COX16: variants seen among roughly 807,000 people sequenced by gnomAD.
The protein encoded by COX16 is cytochrome c oxidase assembly protein COX16 homolog, mitochondrial.
COX16 carries 12 observed loss-of-function variants against 15.4 expected under a neutral mutation model. The ratio of observed to expected loss-of-function variants is 0.78; its 90% CI spans 0.50 to 1.26. COX16 has a LOEUF of 1.26. Ranked by LOEUF, COX16 falls within the 50% of genes most tolerant of loss-of-function variation. COX16 has a pLI of 0.00. For synonymous variants in COX16, 46 were observed against 41.1 expected, an observed-to-expected ratio of 1.12 and a Z score of -0.46; for missense variants, 124 against 127.6, an observed-to-expected ratio of 0.97 and a Z score of 0.14.
chr14:70,358,038 C>G (rs572063210), intron 1 of COX16, among the ~76,000 whole-genome samples: 8 of 152,220 alleles, frequency 5.3e-5, no homozygotes, highest in African/African-American at 1.9e-4. Context: ...GGAATTATAT[C>G]CATCAAAAGG....
At chr14:70,329,301 TAA>T in intron 2 of COX16, 65 bp from the exon 3 acceptor site, 3 of 1,477,684 alleles carry the variant, frequency 2.0e-6, no homozygotes, top group Middle Eastern at 1.8e-4. Context: ...TTTTCAATTT[TAA>T]GTTATAGAAG....
intron 1 of COX16, among the ~76,000 whole-genome samples, chr14:70,354,738 T>C (rs565280491): frequency 6.6e-6 from 1 of 152,276 alleles, no homozygotes; most frequent in South Asian, 2.1e-4. Flanking sequence ...TGAGTAGTTC[T>C]ACTAAATTAT....
chr14:70,351,033 A>G (rs1055442840), intron 1 of COX16, among the ~76,000 whole-genome samples: 10 of 152,256 alleles, frequency 6.6e-5, no homozygotes, highest in African/African-American at 2.2e-4. Context: ...GAAGAAAATA[A>G]TATTTTCAAA....
intron 1 of COX16, among the ~76,000 whole-genome samples, chr14:70,350,943 A>G (rs1886935240): frequency 6.6e-6 from 1 of 152,240 alleles, no homozygotes; most frequent in Non-Finnish European, 1.5e-5. Flanking sequence ...GACTTCAAAT[A>G]TTTTTGCATC....
At chr14:70,329,267 T>C (rs200993510) in intron 2 of COX16, 31 bp from the exon 3 acceptor site, 4 of 1,580,328 alleles carry the variant, frequency 2.5e-6, no homozygotes, top group South Asian at 2.3e-5. Context: ...TAATAAGTTA[T>C]CTAAGTCTGT....
chr14:70,338,567 C>T (rs1886528900), intron 2 of COX16, among the ~76,000 whole-genome samples: 1 of 152,180 alleles, frequency 6.6e-6, no homozygotes, highest in African/African-American at 2.4e-5. Context: ...GTCAACAAAC[C>T]TGGTACCAGT....
At chr14:70,345,399 A>G (rs1029140134) in intron 1 of COX16, among the ~76,000 whole-genome samples, 8 of 152,162 alleles carry the variant, frequency 5.3e-5, no homozygotes, top group East Asian at 1.9e-4. Context: ...TCCTTTTATC[A>G]TCTCCCTCCA....
intron 1 of COX16, among the ~76,000 whole-genome samples, chr14:70,358,329 G>A (rs7155967): frequency 0.87 from 129,220 of 149,062 alleles, 56,094 homozygotes; most frequent in East Asian, 0.93. Context: ...ACTAATATAC[G>A]AATATATTAG....
At chr14:70,330,671 T>C (rs1886254679) in intron 2 of COX16, among the ~76,000 whole-genome samples, 1 of 152,182 alleles carries the variant, frequency 6.6e-6, no homozygotes, top group South Asian at 2.1e-4. Context: ...CACAATGTAA[T>C]TTGCAAACAA....
chr14:70,327,180 G>GAT (rs1291402333), intron 3 of COX16, among the ~76,000 whole-genome samples: 1 of 152,108 alleles, frequency 6.6e-6, no homozygotes, highest in Non-Finnish European at 1.5e-5. Flanking sequence ...GAAAACATAG[G>GAT]ATAGCTTATA....
intron 2 of COX16, 101 bp downstream of exon 2, chr14:70,342,557 C>A: frequency 8.8e-7 from 1 of 1,138,552 alleles, no homozygotes; most frequent in South Asian, 2.3e-5. Flanking sequence ...TGTTGAAAAG[C>A]AAGACAAACT....
chr14:70,356,023 C>G (rs550947781), intron 1 of COX16, among the ~76,000 whole-genome samples: 1 of 152,246 alleles, frequency 6.6e-6, no homozygotes, highest in African/African-American at 2.4e-5. Flanking sequence ...TTGAGGCCCG[C>G]ACCAGAAGCA....
At chr14:70,347,878 T>C (rs1271829961) in intron 1 of COX16, among the ~76,000 whole-genome samples, 1 of 152,132 alleles carries the variant, frequency 6.6e-6, no homozygotes, top group Non-Finnish European at 1.5e-5. Flanking sequence ...GTTCCCTCCT[T>C]TGCTCTACTT....
chr14:70,357,151 C>T (rs1169467749), intron 1 of COX16, among the ~76,000 whole-genome samples: 1 of 74,488 alleles, frequency 1.3e-5, no homozygotes, highest in Non-Finnish European at 2.3e-5. Flanking sequence ...TCCTAGGAAG[C>T]GTTTGTCAAA....
At chr14:70,332,158 G>A (rs1336998921) in intron 2 of COX16, among the ~76,000 whole-genome samples, 2 of 152,222 alleles carry the variant, frequency 1.3e-5, no homozygotes, top group African/African-American at 4.8e-5. Context: ...TTAACAGAAA[G>A]GCTTGTCTGC....
rs1369257660 is a variant in COX16 at position 70,325,915 on chromosome 14, A to ATTT, written c.*415_*417dup. The ATTT allele has an allele frequency of 6.6e-6, 1 of 152,440 alleles. No individual in the cohort carries two copies. Among genetic ancestry groups the ATTT allele is most frequent in the Admixed American group, 6.5e-5 (1 of 15,292 alleles). 9.4% of individuals were successfully genotyped at this position (152,440 alleles called of 1,614,324 possible). A position where few individuals can be genotyped will look rare whatever the true frequency, so the allele number is the denominator to read the frequency against. On this transcript the variant is annotated 3_prime_UTR_variant, in exon 4 of 4. Transcript: ENST00000389912. ...AGATATGAGAGAAAATTACTGCTTG[A>ATTT]TTTTACTGTGAGAATTTGGATCCAG...
chr14:70,349,512 G>A (rs1017550367), intron 1 of COX16, among the ~76,000 whole-genome samples: 2 of 152,110 alleles, frequency 1.3e-5, no homozygotes, highest in African/African-American at 4.8e-5. Flanking sequence ...TATCCAAGGC[G>A]TCTCTACGTC....
At chr14:70,354,841 C>CGTGTGTGTGTGTGTGTGTGT (rs55646280) in intron 1 of COX16, among the ~76,000 whole-genome samples, 10 of 148,880 alleles carry the variant, frequency 6.7e-5, no homozygotes, top group African/African-American at 2.0e-4. Context: ...TGTGTGTGTG[C>CGTGTGTGTGTGTGTGTGTGT]GTGTGTGTGT....
intron 1 of COX16, chr14:70,359,242 T>C (rs1291372356): frequency 3.6e-6 from 2 of 557,534 alleles, no homozygotes; most frequent in Non-Finnish European, 6.8e-6. Flanking sequence ...GTAGTAACAA[T>C]GACCGCGTTC....
Sources: gnomAD v4.1 joint callset for allele counts (sites outside exome capture counted in the v4.1 genomes callset) on GRCh38, gnomAD v4.1.1 for gene constraint, MANE v1.5 for transcripts, NCBI Gene and HGNC (gene_info 2026-07-23, HGNC 2026-07-21) for gene names.